The following ARL13B variants were observed in gnomAD, a reference collection of about 807,000 sequenced individuals.
The protein encoded by ARL13B is ADP-ribosylation factor-like protein 13B.
A neutral mutation model predicts 56.1 loss-of-function variants in ARL13B; 36 were observed. That is an observed-to-expected ratio of 0.64 (90% confidence interval 0.49 to 0.85). ARL13B has a LOEUF of 0.85. Ranked by LOEUF, ARL13B falls within the 40% of genes least tolerant of loss-of-function variation. The pLI is 0.00. For missense variants in ARL13B, 519 were observed against 507.1 expected (o/e 1.02, Z -0.23); for synonymous variants, 178 against 171.1 (o/e 1.04, Z -0.32).
At chr3:94,000,828 T>C (rs2076043585) in intron 2 of ARL13B, among the ~76,000 whole-genome samples, 1 of 152,218 alleles carries the variant, frequency 6.6e-6, no homozygotes, top group Admixed American at 6.5e-5. Context: ...ACATATACTC[T>C]ACTGAAATTC....
At position 94,049,509 on chromosome 3, in the gene ARL13B, AC is replaced by A; in HGVS notation, c.1133del (p.Pro378LeufsTer49). 8.6e-7 allele frequency: 1 copy of A among 1,157,124 alleles called. No homozygotes were observed. The highest frequency in any genetic ancestry group is 1.4e-5 in the South Asian group (1 of 72,184). The allele number at this position is 1,157,124 out of a possible 1,614,324, so 71.7% of individuals were successfully genotyped here. ...CTCCTGAGAGTCCAACGCCACCCCC[AC>A]CCCCTCCTCCTGGTGAGTAAATTGA... is the stretch of plus-strand genomic sequence containing the variant. ...CAPESPTPPP[P>X]PPPVGWGTPK... On this transcript the variant is annotated frameshift_variant, in exon 8 of 10. Coordinates refer to ENST00000394222, the MANE Select transcript of ARL13B (RefSeq NM_001174150.2). LOFTEE classifies it high-confidence loss of function.
chr3:93,995,447 G>A (rs556056453), intron 1 of ARL13B, among the ~76,000 whole-genome samples: 160 of 151,886 alleles, frequency 1.1e-3, no homozygotes, highest in Non-Finnish European at 1.9e-3. Flanking sequence ...ATTTATATTT[G>A]GTAAGATGCT....
At chr3:94,015,114 A>G (rs1280248454) in intron 3 of ARL13B, 1 of 1,613,814 alleles carries the variant, frequency 6.2e-7, no homozygotes, top group Non-Finnish European at 8.5e-7. Flanking sequence ...TTTGGATTTC[A>G]TGTAGGTGTC....
chr3:93,990,606 G>A (rs2075858170), intron 1 of ARL13B, among the ~76,000 whole-genome samples: 1 of 152,084 alleles, frequency 6.6e-6, no homozygotes, highest in Non-Finnish European at 1.5e-5. Context: ...TTAGGATTTT[G>A]GAGCATTTCA....
intron 3 of ARL13B, among the ~76,000 whole-genome samples, chr3:94,023,049 T>G (rs2076482923): frequency 6.6e-6 from 1 of 152,030 alleles, no homozygotes; most frequent in South Asian, 2.1e-4. Flanking sequence ...TCTTCCTCTT[T>G]TATATTCTCT....
At chr3:93,987,942 G>A (rs533726080) in intron 1 of ARL13B, among the ~76,000 whole-genome samples, 3 of 152,084 alleles carry the variant, frequency 2.0e-5, no homozygotes, top group Non-Finnish European at 2.9e-5. Flanking sequence ...CACTGCACCC[G>A]GCCTCTTTTT....
chr3:94,008,356 T>A (rs1480947428), intron 3 of ARL13B, among the ~76,000 whole-genome samples: 1 of 152,140 alleles, frequency 6.6e-6, no homozygotes, highest in Admixed American at 6.5e-5. Context: ...GAAATTTTTT[T>A]AAAAATACAA....
chr3:94,008,410 T>C (rs567262114), intron 3 of ARL13B, among the ~76,000 whole-genome samples: 2 of 152,266 alleles, frequency 1.3e-5, no homozygotes, highest in Admixed American at 6.5e-5. Context: ...AGAAGGCCTT[T>C]CCAAGAGAAA....
chr3:94,029,246 C>T (rs2076618026), intron 3 of ARL13B, among the ~76,000 whole-genome samples: 1 of 140,000 alleles, frequency 7.1e-6, no homozygotes, highest in South Asian at 2.2e-4. Flanking sequence ...TTTTTTCTAC[C>T]TGACTTGTTA....
rs562407104 is a variant in ARL13B, at chr3:93,989,994, T to TTTTTG, written c.60-5856_60-5852dup. On this transcript the variant is annotated intron_variant, in intron 1 of 9. Coordinates refer to ENST00000394222, the MANE Select transcript of ARL13B (RefSeq NM_001174150.2). Reference sequence around the variant, plus strand: ...GATAATACAGTTTGAGTATCTCTTTTTTTTGTTTTGTTTTGTTTTGTTTTG... The same window carrying TTTTTG: ...GATAATACAGTTTGAGTATCTCTTTTTTTTGTTTTGTTTTGTTTTGTTTTGTTTTG... Among the ~76,000 whole-genome samples the TTTTTG allele has an allele frequency of 1.8e-3, 267 of 152,050 alleles. 5 individuals are homozygous for TTTTTG. The South Asian group carries it at 0.029, about 16-fold the overall frequency.
chr3:93,988,780 G>A (rs1229511435), intron 1 of ARL13B: 3 of 334,522 alleles, frequency 9.0e-6, no homozygotes, highest in Non-Finnish European at 1.7e-5. Context: ...TTTCCCATTT[G>A]TTTGCATTTT....
At chr3:94,003,469 T>TTA (rs2076085695) in intron 2 of ARL13B, among the ~76,000 whole-genome samples, 190 bp from the exon 3 acceptor site, 1 of 152,192 alleles carries the variant, frequency 6.6e-6, no homozygotes. Context: ...AAAGAAAGAT[T>TTA]CCTATCTGCA....
At chr3:94,044,802 G>A (rs559030907) in intron 7 of ARL13B, among the ~76,000 whole-genome samples, 8 of 129,380 alleles carry the variant, frequency 6.2e-5, no homozygotes, top group East Asian at 5.1e-4. Flanking sequence ...CTGCCCGGCC[G>A]CGCCGTCTGG....
At chr3:93,996,443 C>T in intron 2 of ARL13B, 1 of 184,508 alleles carries the variant, frequency 5.4e-6, no homozygotes, top group South Asian at 9.8e-5. Flanking sequence ...CGTACTGCAT[C>T]TCATTGAATA....
At chr3:94,050,400 T>C (rs1243438938) in intron 8 of ARL13B, among the ~76,000 whole-genome samples, 11 of 152,118 alleles carry the variant, frequency 7.2e-5, no homozygotes, top group Non-Finnish European at 1.5e-4. Flanking sequence ...TCAGTAAATA[T>C]GTAATGACTA....
chr3:94,000,712 G>A (rs185974737), intron 2 of ARL13B, among the ~76,000 whole-genome samples: 3 of 152,014 alleles, frequency 2.0e-5, no homozygotes, highest in South Asian at 2.1e-4. Context: ...ATTAATCTTT[G>A]TATTTCTAGA....
At chr3:94,014,727 A>C in intron 3 of ARL13B, 2 of 1,613,056 alleles carry the variant, frequency 1.2e-6, no homozygotes, top group Non-Finnish European at 1.7e-6. Context: ...TATCATTTAC[A>C]TCTTCTTCAG....
chr3:94,004,156 A>T (rs1191550576), intron 3 of ARL13B, among the ~76,000 whole-genome samples: 2 of 152,150 alleles, frequency 1.3e-5, no homozygotes, highest in African/African-American at 4.8e-5. Flanking sequence ...TCATTGTTTT[A>T]TGTGATAGTT....
chr3:94,006,517 T>A (rs567721777), intron 3 of ARL13B, among the ~76,000 whole-genome samples: 14 of 152,196 alleles, frequency 9.2e-5, no homozygotes, highest in African/African-American at 3.4e-4. Flanking sequence ...ATTCCTCTTC[T>A]CTAATCACCT....
Sources: gnomAD v4.1 joint callset for allele counts (sites outside exome capture counted in the v4.1 genomes callset) on GRCh38, gnomAD v4.1.1 for gene constraint, MANE v1.5 for transcripts, NCBI Gene and HGNC (gene_info 2026-07-23, HGNC 2026-07-21) for gene names.